The following TRIO variants were observed in gnomAD, a reference collection of about 807,000 sequenced individuals.
The protein encoded by TRIO is trio Rho guanine nucleotide exchange factor.
TRIO carries 58 observed loss-of-function variants against 351.9 expected under a neutral mutation model. The observed-to-expected ratio is 0.16, with a 90% confidence interval of 0.13 to 0.21. The LOEUF (loss-of-function observed/expected upper bound fraction) is 0.21. Ranked by LOEUF, TRIO falls within the 10% of genes least tolerant of loss-of-function variation. The probability of loss-of-function intolerance (pLI) is 1.00; values close to 1 mark genes in which losing one functional copy is unlikely to be tolerated. For missense variants in TRIO, 3,201 were observed against 4,027.8 expected, an observed-to-expected ratio of 0.79 and a Z score of 5.56; for synonymous variants, 1,758 against 1,595.7, an observed-to-expected ratio of 1.10 and a Z score of -2.42.
At chr5:14,344,566 A>G (rs565060719) in intron 11 of TRIO, among the ~76,000 whole-genome samples, 3 of 152,296 alleles carry the variant, frequency 2.0e-5, no homozygotes, top group East Asian at 1.9e-4. Context: ...AGCACCTCAG[A>G]ATGCTTTTCT....
chr5:14,440,546 T>C (rs1751945458), intron 34 of TRIO, among the ~76,000 whole-genome samples: 1 of 152,256 alleles, frequency 6.6e-6, no homozygotes, highest in Non-Finnish European at 1.5e-5. Flanking sequence ...AGATACGCTT[T>C]CCTAAAAACT....
chr5:14,156,529 T>C (rs1788110439), intron 1 of TRIO, among the ~76,000 whole-genome samples: 1 of 152,218 alleles, frequency 6.6e-6, no homozygotes, highest in African/African-American at 2.4e-5. Context: ...TTAGACTCAG[T>C]GTGTCCAATT....
At chr5:14,393,408 C>T (rs1464449931) in intron 27 of TRIO, among the ~76,000 whole-genome samples, 1 of 152,198 alleles carries the variant, frequency 6.6e-6, no homozygotes, top group Non-Finnish European at 1.5e-5. Context: ...TGCCCTAAAA[C>T]ATGTCTTCAA....
chr5:14,162,109 A>C (rs907184763), intron 1 of TRIO, among the ~76,000 whole-genome samples: 1 of 152,172 alleles, frequency 6.6e-6, no homozygotes, highest in Non-Finnish European at 1.5e-5. Flanking sequence ...AATCACGGCC[A>C]ATTTGGAGTA....
intron 21 of TRIO, among the ~76,000 whole-genome samples, chr5:14,383,180 G>A (rs530589097): frequency 1.1e-4 from 17 of 152,286 alleles, no homozygotes; most frequent in African/African-American, 4.1e-4. Flanking sequence ...TTTTTAATTA[G>A]TTGGGCATGG....
chr5:14,340,227 T>C (rs1741818969), intron 11 of TRIO, among the ~76,000 whole-genome samples: 1 of 151,980 alleles, frequency 6.6e-6, no homozygotes, highest in African/African-American at 2.4e-5. Context: ...AAACCCCGTC[T>C]CTACTAAAAA....
intron 1 of TRIO, among the ~76,000 whole-genome samples, chr5:14,152,324 AC>A (rs1354435918): frequency 6.6e-6 from 1 of 151,956 alleles, no homozygotes; most frequent in Non-Finnish European, 1.5e-5. Context: ...AACAAAACAA[AC>A]CCAGATCGCA....
In TRIO at chr5:14,492,755, A is replaced by T; in HGVS notation, c.7821A>T (p.Pro2607=). 6.2e-7 allele frequency: 1 copy of T among 1,614,182 alleles called. No homozygotes were observed. The highest frequency in any genetic ancestry group is 8.5e-7 in the Non-Finnish European group (1 of 1,180,032). ...GCCCCGCAGCTGAGGGCTGGATTCC[A>T]GGCTTTGTCCTGGGCCACACCAGTG... ...DQCPAAEGWI[P]GFVLGHTSAV... Residue 2607 remains proline, a synonymous_variant, in exon 49 of 57, where the codon CCA becomes CCT. Coordinates refer to ENST00000344204, the MANE Select transcript of TRIO (RefSeq NM_007118.4).
intron 1 of TRIO, among the ~76,000 whole-genome samples, chr5:14,167,558 A>C (rs1788844810): frequency 6.6e-6 from 1 of 152,208 alleles, no homozygotes. Context: ...CCATTGTTTA[A>C]ATCTTAACCC....
At chr5:14,346,112 G>A (rs946127945) in intron 11 of TRIO, among the ~76,000 whole-genome samples, 7 of 152,196 alleles carry the variant, frequency 4.6e-5, no homozygotes, top group African/African-American at 1.7e-4. Flanking sequence ...GATAAGCCAG[G>A]CTTGGAGAGA....
intron 19 of TRIO, among the ~76,000 whole-genome samples, chr5:14,376,636 C>T (rs891020702): frequency 6.6e-6 from 1 of 152,184 alleles, no homozygotes; most frequent in African/African-American, 2.4e-5. Context: ...GTTAATTTGA[C>T]CTGTCTCTCA....
intron 1 of TRIO, among the ~76,000 whole-genome samples, chr5:14,209,630 C>T (rs1276292912): frequency 6.6e-6 from 1 of 152,208 alleles, no homozygotes; most frequent in Non-Finnish European, 1.5e-5. Flanking sequence ...GCCACAGACA[C>T]CCTGTTAGCT....
Position 14,498,158 on chromosome 5 carries a change from G to T in TRIO, c.8117G>T (p.Cys2706Phe). 6.2e-7 allele frequency: 1 copy of T among 1,614,206 alleles called. No individual in the cohort carries two copies. The highest frequency in any genetic ancestry group is 8.5e-7 in the Non-Finnish European group (1 of 1,180,028). ...ACAGGGGAGACCGTTGTTCTTAGAT[G>T]TCGAGTCTGTGGCCGCCCCAAAGCC... is the stretch of plus-strand genomic sequence containing the variant. The part of the protein sequence containing the change: ...CETGETVVLR[C>F]RVCGRPKASI... The change falls in exon 52 of 57, where the codon TGT becomes TTT. Residue 2706 changes from cysteine to phenylalanine, a missense_variant. Physicochemically the swap from Cys to Phe is radical, Grantham distance 205. Around this residue, in one of 19 missense-constraint regions of TRIO, gnomAD observed 1,089 missense variants for 954.9 expected, o/e 1.14. Coordinates refer to ENST00000344204, the MANE Select transcript of TRIO (RefSeq NM_007118.4).
At chr5:14,503,728 G>A (rs1757454572) in intron 54 of TRIO, among the ~76,000 whole-genome samples, 1 of 152,194 alleles carries the variant, frequency 6.6e-6, no homozygotes, top group South Asian at 2.1e-4. Context: ...CCCCGCCTCC[G>A]AGTGACAGAA....
Position 14,461,083 on chromosome 5 carries a change from C to T in TRIO, c.5268C>T (p.His1756=). ...PPASVASLQP[H]MIGAQSSPGP... is the part of the protein sequence containing the mutation. The stretch of plus-strand genomic sequence containing the variant: ...CATCCGTGGCTTCCCTCCAGCCCCA[C>T]ATGATCGGGGCCCAGAGCTCGCCGG... The change falls in exon 35 of 57, where the codon CAC becomes CAT. Residue 1756 remains histidine, a synonymous_variant. Coordinates refer to ENST00000344204, the MANE Select transcript of TRIO (RefSeq NM_007118.4). 6.3e-7 allele frequency: 1 copy of T among 1,575,852 alleles called. No homozygotes were observed. Among genetic ancestry groups the T allele is most frequent in the Non-Finnish European group, 8.6e-7 (1 of 1,161,656 alleles).
Position 14,288,134 on chromosome 5 carries a change from T to C in TRIO, c.540+1071T>C, listed in dbSNP as rs541118211. Among the ~76,000 whole-genome samples, 29 of 152,346 alleles carry C rather than the reference T, an allele frequency of 1.9e-4. No homozygotes were observed. In the South Asian group the frequency reaches 5.6e-3, roughly 29 times the overall value. Reference sequence around the variant, plus strand: ...CTTCATAGAGAATAGGAAGTAATTTTGGAGGACAGTTTATTGGGTGTTAAT... The same window carrying C: ...CTTCATAGAGAATAGGAAGTAATTTCGGAGGACAGTTTATTGGGTGTTAAT... On this transcript the variant is annotated intron_variant, in intron 4 of 56. Coordinates refer to ENST00000344204, the MANE Select transcript of TRIO (RefSeq NM_007118.4).
At chr5:14,355,001 C>T (rs908037016) in intron 11 of TRIO, among the ~76,000 whole-genome samples, 5 of 152,134 alleles carry the variant, frequency 3.3e-5, no homozygotes, top group South Asian at 4.1e-4. Flanking sequence ...TGCACAGCAC[C>T]GCTTTTTCAT....
At chr5:14,373,164 A>G (rs372262016) in intron 18 of TRIO, among the ~76,000 whole-genome samples, 134 of 152,278 alleles carry the variant, frequency 8.8e-4, no homozygotes, top group African/African-American at 3.1e-3. Flanking sequence ...ACCTCCCACG[A>G]GGTTTCTACC....
chr5:14,220,306 G>A (rs1792529925), intron 1 of TRIO, among the ~76,000 whole-genome samples: 1 of 152,134 alleles, frequency 6.6e-6, no homozygotes, highest in Non-Finnish European at 1.5e-5. Flanking sequence ...TAATCAGTAA[G>A]TGTGTGTGTT....
Sources: gnomAD v4.1 joint callset for allele counts (sites outside exome capture counted in the v4.1 genomes callset) on GRCh38, gnomAD v4.1.1 for gene constraint, gnomAD v4.1.1 regional missense constraint, MANE v1.5 for transcripts, NCBI Gene and HGNC (gene_info 2026-07-23, HGNC 2026-07-21) for gene names.